Variants in MSH3 observed in about 807,000 individuals in gnomAD.
MSH3 encodes the protein mutS homolog 3.
In MSH3, 106 loss-of-function variants were observed where a neutral mutation model predicts 123.3. The ratio of observed to expected loss-of-function variants is 0.86; its 90% CI spans 0.73 to 1.01. The LOEUF (loss-of-function observed/expected upper bound fraction) is 1.01. Among genes scored for constraint, MSH3 ranks in the 50% least tolerant of loss-of-function variants. The probability of loss-of-function intolerance (pLI) is 0.00; values close to 1 mark genes in which losing one functional copy is unlikely to be tolerated. For missense variants in MSH3, 1,459 were observed against 1,347.6 expected (o/e 1.08, Z -1.29); for synonymous variants, 515 against 481.4 (o/e 1.07, Z -0.91).
chr5:80,870,398 T>C (rs1746193083), intron 22 of MSH3, among the ~76,000 whole-genome samples: 1 of 152,186 alleles, frequency 6.6e-6, no homozygotes. Context: ...TGATAAACTA[T>C]TTTTCTGTCT....
intron 21 of MSH3, among the ~76,000 whole-genome samples, chr5:80,864,170 A>G (rs1370497681): frequency 6.6e-6 from 1 of 152,208 alleles, no homozygotes; most frequent in African/African-American, 2.4e-5. Flanking sequence ...ATGAGAATCC[A>G]TGATATGTAG....
intron 18 of MSH3, among the ~76,000 whole-genome samples, chr5:80,790,610 G>C (rs768094426): frequency 3.3e-5 from 5 of 152,064 alleles, no homozygotes; most frequent in Non-Finnish European, 7.4e-5. Context: ...AGAAGTGAGG[G>C]GAGAAATCAC....
chr5:80,709,208 TATGTG>T (rs1750790233), intron 8 of MSH3, among the ~76,000 whole-genome samples: 2 of 127,396 alleles, frequency 1.6e-5, no homozygotes, highest in South Asian at 5.3e-4. Flanking sequence ...ATAAAATAGA[TATGTG>T]TGTGTGTGTG....
chr5:80,716,809 A>G (rs1288577036), intron 8 of MSH3, among the ~76,000 whole-genome samples: 1 of 152,190 alleles, frequency 6.6e-6, no homozygotes, highest in African/African-American at 2.4e-5. Context: ...TGTGCTATCA[A>G]ACACTAGAAC....
chr5:80,873,419 A>G, intron 23 of MSH3, 132 bp downstream of exon 23: 1 of 880,990 alleles, frequency 1.1e-6, no homozygotes, highest in South Asian at 1.6e-5. Context: ...GAACCATTTA[A>G]TTATGATGAA....
intron 20 of MSH3, among the ~76,000 whole-genome samples, chr5:80,843,525 G>A (rs983622655): frequency 1.1e-4 from 17 of 152,164 alleles, no homozygotes; most frequent in Non-Finnish European, 1.5e-4. Flanking sequence ...CTGTGAATCC[G>A]TCTCGTCCTG....
chr5:80,787,738 T>A, intron 18 of MSH3, 66 bp downstream of exon 18: 1 of 1,071,798 alleles, frequency 9.3e-7, no homozygotes, highest in African/African-American at 1.6e-5. Flanking sequence ...CAATTAATTA[T>A]AGTGTCTTTA....
chr5:80,809,939 T>G (rs1744976388), intron 19 of MSH3, among the ~76,000 whole-genome samples: 1 of 152,016 alleles, frequency 6.6e-6, no homozygotes, highest in African/African-American at 2.4e-5. Flanking sequence ...AAAAAGTATA[T>G]AAAACAGTAT....
chr5:80,771,959 A>G (rs1299240535), intron 15 of MSH3, among the ~76,000 whole-genome samples: 1 of 152,222 alleles, frequency 6.6e-6, no homozygotes, highest in East Asian at 1.9e-4. Flanking sequence ...ATTATGTATT[A>G]TGTAATGAAC....
chr5:80,664,417 G>A (rs1206137909), intron 2 of MSH3, among the ~76,000 whole-genome samples: 1 of 152,144 alleles, frequency 6.6e-6, no homozygotes, highest in Non-Finnish European at 1.5e-5. Context: ...AGGGGAGTAG[G>A]AGTGCTCTGG....
rs115763599 is a variant in MSH3 at position 80,688,337 on chromosome 5, A to G, written c.1340+9244A>G. Among the ~76,000 whole-genome samples, 1,147 of 152,360 alleles carry G rather than the reference A, an allele frequency of 7.5e-3. 16 individuals are homozygous for G. Among genetic ancestry groups the G allele is most frequent in the African/African-American group, 0.025 (1,044 of 41,574 alleles). On this transcript the variant is annotated intron_variant, in intron 8 of 23. Transcript: ENST00000265081. The stretch of plus-strand genomic sequence containing the variant: ...TACTATGTTTACTTTCAGTGTTAGA[A>G]ATACCTTATTATTATGTCTTTTTGG...
At chr5:80,833,038 A>G (rs1745446668) in intron 20 of MSH3, among the ~76,000 whole-genome samples, 1 of 152,162 alleles carries the variant, frequency 6.6e-6, no homozygotes, top group South Asian at 2.1e-4. Flanking sequence ...TTTCCATGAA[A>G]GTGTTTTTTA....
chr5:80,694,610 C>G (rs1412387135), intron 8 of MSH3, among the ~76,000 whole-genome samples: 1 of 151,236 alleles, frequency 6.6e-6, no homozygotes, highest in Admixed American at 6.6e-5. Flanking sequence ...TTTATTTTTT[C>G]CTTTTTGTTT....
intron 19 of MSH3, among the ~76,000 whole-genome samples, chr5:80,811,005 T>G (rs1744999158): frequency 6.6e-6 from 1 of 151,758 alleles, no homozygotes. Flanking sequence ...CATTTTAGAT[T>G]TTATTTGTAA....
intron 20 of MSH3, among the ~76,000 whole-genome samples, chr5:80,831,538 T>C (rs1366146258): frequency 6.6e-6 from 1 of 152,210 alleles, no homozygotes; most frequent in African/African-American, 2.4e-5. Flanking sequence ...GGTGCCTACA[T>C]ATCTTTTAGT....
At chr5:80,868,381 C>T (rs530938019) in intron 22 of MSH3, among the ~76,000 whole-genome samples, 12 of 151,644 alleles carry the variant, frequency 7.9e-5, no homozygotes, top group South Asian at 2.1e-4. Flanking sequence ...TGCTTATCAA[C>T]GGTAGACTGG....
chr5:80,783,446 TATG>T (rs1292494209), intron 17 of MSH3, among the ~76,000 whole-genome samples: 1 of 152,212 alleles, frequency 6.6e-6, no homozygotes, highest in Non-Finnish European at 1.5e-5. Context: ...CTTTAAGAGT[TATG>T]ATGTTATAGG....
intron 3 of MSH3, among the ~76,000 whole-genome samples, chr5:80,667,103 T>C (rs1313072592): frequency 6.6e-6 from 1 of 152,190 alleles, no homozygotes; most frequent in Admixed American, 6.5e-5. Context: ...TAAAAAAAAG[T>C]TGCTTAATAT....
intron 8 of MSH3, among the ~76,000 whole-genome samples, chr5:80,697,121 CCTT>C (rs1188259334): frequency 6.6e-6 from 1 of 152,108 alleles, no homozygotes; most frequent in Non-Finnish European, 1.5e-5. Flanking sequence ...GTTCATATTT[CCTT>C]CTTACGAAGC....
Sources: allele counts gnomAD v4.1 joint callset (sites outside exome capture counted in the v4.1 genomes callset), GRCh38; gene constraint gnomAD v4.1.1; transcripts MANE v1.5; gene names NCBI Gene and HGNC (gene_info 2026-07-23, HGNC 2026-07-21).